Variants in GPAT3 observed in about 807,000 individuals in gnomAD.
GPAT3 encodes the protein glycerol-3-phosphate acyltransferase 3.
GPAT3 carries 53 observed loss-of-function variants against 58.8 expected under a neutral mutation model. That is an observed-to-expected ratio of 0.90 (90% CI 0.72 to 1.13). The LOEUF is 1.13. Ranked by LOEUF, GPAT3 falls within the 50% of genes most tolerant of loss-of-function variation. GPAT3 has a pLI of 0.00. For missense variants in GPAT3, 511 were observed against 527.6 expected (o/e 0.97, Z 0.31); for synonymous variants, 197 against 187.4 (o/e 1.05, Z -0.42).
chr4:83,603,227 A>G (rs747642957), intron 11 of GPAT3, among the ~76,000 whole-genome samples: 6 of 152,242 alleles, frequency 3.9e-5, no homozygotes, highest in Non-Finnish European at 7.3e-5. Flanking sequence ...TAGGAGCCAG[A>G]TAGTGACCTA....
intron 2 of GPAT3, among the ~76,000 whole-genome samples, chr4:83,563,253 G>A (rs1360523362): frequency 3.9e-5 from 6 of 152,224 alleles, no homozygotes; most frequent in East Asian, 1.9e-4. Context: ...TTTACTCATC[G>A]TTTTAAAAAC....
chr4:83,588,109 G>C, intron 4 of GPAT3, 101 bp from the exon 5 acceptor site: 1 of 919,866 alleles, frequency 1.1e-6, no homozygotes, highest in Non-Finnish European at 1.7e-6. Flanking sequence ...CACCAGAATA[G>C]AATGTGGTAT....
At chr4:83,540,406 T>C (rs1276591859) in intron 1 of GPAT3, among the ~76,000 whole-genome samples, 1 of 152,220 alleles carries the variant, frequency 6.6e-6, no homozygotes, top group East Asian at 1.9e-4. Context: ...TGTTCTGAGA[T>C]ACCCCTGTAA....
chr4:83,555,447 TA>T, intron 2 of GPAT3, among the ~76,000 whole-genome samples: 1 of 152,124 alleles, frequency 6.6e-6, no homozygotes, highest in African/African-American at 2.4e-5. Context: ...AACTAAAAAA[TA>T]CAGGGTTTAG....
At chr4:83,569,044 T>C (rs1484223543) in intron 2 of GPAT3, among the ~76,000 whole-genome samples, 1 of 152,196 alleles carries the variant, frequency 6.6e-6, no homozygotes, top group African/African-American at 2.4e-5. Flanking sequence ...AATCAGTTGG[T>C]TCTCTCATCT....
chr4:83,600,089 G>A (rs937622147), intron 11 of GPAT3, among the ~76,000 whole-genome samples: 2 of 152,132 alleles, frequency 1.3e-5, no homozygotes, highest in African/African-American at 4.8e-5. Context: ...GGATAAGGGG[G>A]GAGTTACTGT....
Position 83,602,514 on chromosome 4 carries a change from T to C in GPAT3, c.1206-2154T>C, listed in dbSNP as rs1015575008. 7.9e-5 allele frequency among the ~76,000 whole-genome samples: 12 copies of C among 152,126 alleles called. 1 individual carries two copies. The South Asian group carries it at 2.5e-3, about 32-fold the overall frequency. On this transcript the variant is annotated intron_variant, in intron 11 of 11. Transcript: ENST00000264409. ...CATAGATTGAGTGAAAATATAATTT[T>C]ATGATCTTAAACTGGCTTTTATATA...
intron 3 of GPAT3, among the ~76,000 whole-genome samples, chr4:83,585,300 T>A (rs1726336245): frequency 6.7e-6 from 1 of 150,162 alleles, no homozygotes; most frequent in Non-Finnish European, 1.5e-5. Context: ...TTAGTTATAG[T>A]AATATATCAT....
At chr4:83,539,179 A>G (rs923350754) in intron 1 of GPAT3, among the ~76,000 whole-genome samples, 10 of 152,218 alleles carry the variant, frequency 6.6e-5, no homozygotes, top group Admixed American at 6.5e-4. Context: ...AACTATAGGA[A>G]TAATTCCTTA....
chr4:83,585,793 G>A (rs1726354133), intron 3 of GPAT3, among the ~76,000 whole-genome samples: 1 of 152,068 alleles, frequency 6.6e-6, no homozygotes, highest in South Asian at 2.1e-4. Flanking sequence ...CACCATGTTG[G>A]CCAGGCTGGT....
chr4:83,578,425 T>C (rs1033187674), intron 2 of GPAT3, among the ~76,000 whole-genome samples: 4 of 152,136 alleles, frequency 2.6e-5, no homozygotes, highest in African/African-American at 9.7e-5. Context: ...AGAGAAAACA[T>C]TGCACAACAA....
chr4:83,542,814 A>G (rs59475928), intron 1 of GPAT3, among the ~76,000 whole-genome samples: 10,835 of 152,002 alleles, frequency 0.071, 1,216 homozygotes, highest in African/African-American at 0.24. Context: ...ACTGGACAAC[A>G]TAGTGAAACC....
At position 83,588,288 on chromosome 4, in the gene GPAT3, T is replaced by C; in HGVS notation, c.633T>C (p.His211=). The C allele has an allele frequency of 6.3e-7, 1 of 1,599,786 alleles. No individual in the cohort carries two copies. Residue 211 remains histidine (H), a synonymous_variant, in exon 5 of 12, where the codon CAT becomes CAC. Coordinates refer to ENST00000264409, the MANE Select transcript of GPAT3 (RefSeq NM_032717.5). ...ICVRALSGTI[H]YHNKQYRPQK... is the part of the protein sequence containing the mutation. ...TGCGAGCCCTCTCTGGTACCATTCA[T>C]TATCATAACAAGTGAGTATCTGCTC...
At chr4:83,580,712 T>G (rs1464026794) in intron 2 of GPAT3, among the ~76,000 whole-genome samples, 1 of 152,228 alleles carries the variant, frequency 6.6e-6, no homozygotes, top group African/African-American at 2.4e-5. Context: ...AAAAGTTGTA[T>G]GATATTAACT....
intron 2 of GPAT3, among the ~76,000 whole-genome samples, chr4:83,553,856 G>A (rs1351756072): frequency 1.3e-5 from 2 of 151,768 alleles, no homozygotes; most frequent in African/African-American, 4.8e-5. Flanking sequence ...CAGCCTGGAC[G>A]ACAGAGTGAG....
rs191810437 is a variant in GPAT3, at chr4:83,572,846, G to A, written c.209-8716G>A. On this transcript the variant is annotated intron_variant, in intron 2 of 11. Transcript: ENST00000264409. The stretch of plus-strand genomic sequence containing the variant: ...AGCTTAGCCAAGTGGCCTAACTTAC[G>A]TCCTGGAAATCTTAACTTAACTAAT... 3.5e-4 allele frequency among the ~76,000 whole-genome samples: 53 copies of A among 152,258 alleles called. No individual in the cohort carries two copies. The East Asian group carries it at 6.6e-3, about 19-fold the overall frequency.
chr4:83,587,147 T>C, intron 3 of GPAT3, 108 bp from the exon 4 acceptor site: 1 of 801,820 alleles, frequency 1.2e-6, no homozygotes, highest in Non-Finnish European at 2.1e-6. Flanking sequence ...TCATATTTCA[T>C]CATGTGGATA....
intron 1 of GPAT3, 106 bp downstream of exon 1, chr4:83,536,869 CGT>C: frequency 9.9e-7 from 1 of 1,010,448 alleles, no homozygotes; most frequent in Non-Finnish European, 1.5e-6. Context: ...TGTGTGCGCG[CGT>C]GTGCATGCGT....
chr4:83,563,193 G>T (rs141790013), intron 2 of GPAT3, among the ~76,000 whole-genome samples: 10 of 152,286 alleles, frequency 6.6e-5, no homozygotes, highest in Admixed American at 5.9e-4. Flanking sequence ...GGACAAACAC[G>T]CAAAGGATAT....
Sources: gnomAD v4.1 joint callset for allele counts (sites outside exome capture counted in the v4.1 genomes callset) on GRCh38, gnomAD v4.1.1 for gene constraint, MANE v1.5 for transcripts, NCBI Gene and HGNC (gene_info 2026-07-23, HGNC 2026-07-21) for gene names.